Variants in ANKRD30BL observed in about 807,000 individuals in gnomAD.
ANKRD30BL encodes the protein ankyrin repeat domain 30B like.
In ANKRD30BL, 20 loss-of-function variants were observed where a neutral mutation model predicts 18.4. That is an observed-to-expected ratio of 1.09 (90% CI 0.77 to 1.58). ANKRD30BL has a LOEUF of 1.58. Ranked by LOEUF, ANKRD30BL falls within the 40% of genes most tolerant of loss-of-function variation. ANKRD30BL has a pLI of 0.00. For synonymous variants in ANKRD30BL, 72 were observed against 100.9 expected, an observed-to-expected ratio of 0.71 and a Z score of 1.72; for missense variants, 224 against 268.6, an observed-to-expected ratio of 0.83 and a Z score of 1.16.
upstream of ANKRD30BL, among the ~76,000 whole-genome samples, chr2:132,163,714 G>T (rs1253368635): frequency 2.0e-5 from 3 of 152,154 alleles, no homozygotes; most frequent in Admixed American, 2.0e-4. Flanking sequence ...GTCAAGGGAT[G>T]GGTCCCCAGC....
At chr2:132,224,640 A>G (rs935639907) in intron 1 of ANKRD30BL, among the ~76,000 whole-genome samples, 1 of 152,124 alleles carries the variant, frequency 6.6e-6, no homozygotes, top group African/African-American at 2.4e-5. Context: ...AAAAGGAAGT[A>G]TCTTCACTTA....
chr2:132,189,543 T>C (rs1167986250), intron 1 of ANKRD30BL, among the ~76,000 whole-genome samples: 3 of 151,622 alleles, frequency 2.0e-5, no homozygotes, highest in African/African-American at 7.3e-5. Context: ...GAGATACTGC[T>C]GTATGTAAAT....
At chr2:132,242,692 T>C (rs12623260) in intron 1 of ANKRD30BL, among the ~76,000 whole-genome samples, 26,105 of 151,210 alleles carry the variant, frequency 0.17, 4,971 homozygotes, top group African/African-American at 0.48. Context: ...TTTCTGGTTT[T>C]GTTGGAAACG....
At chr2:132,189,277 A>T (rs1222087358) in intron 1 of ANKRD30BL, among the ~76,000 whole-genome samples, 1 of 152,246 alleles carries the variant, frequency 6.6e-6, no homozygotes. Context: ...CATACTAGGT[A>T]AGTAAAACCA....
chr2:132,221,434 C>G (rs865827579), intron 1 of ANKRD30BL, among the ~76,000 whole-genome samples: 3 of 132,270 alleles, frequency 2.3e-5, no homozygotes, highest in Admixed American at 1.4e-4. Context: ...ATCAGCCCCC[C>G]GCCTGGCCAG....
At chr2:132,234,686 C>T (rs1680106679) in intron 1 of ANKRD30BL, among the ~76,000 whole-genome samples, 1 of 152,020 alleles carries the variant, frequency 6.6e-6, no homozygotes, top group South Asian at 2.1e-4. Flanking sequence ...GAAATTGTGG[C>T]AATAATCAAT....
intron 1 of ANKRD30BL, among the ~76,000 whole-genome samples, chr2:132,242,900 A>ATG (rs1680377712): frequency 6.6e-6 from 1 of 151,874 alleles, no homozygotes; most frequent in African/African-American, 2.4e-5. Context: ...AAAAGTAGAC[A>ATG]GAAGCATTCT....
intron 1 of ANKRD30BL, among the ~76,000 whole-genome samples, chr2:132,189,309 T>G (rs1200748058): frequency 6.6e-6 from 1 of 152,236 alleles, no homozygotes; most frequent in African/African-American, 2.4e-5. Flanking sequence ...TTGTATTTAG[T>G]AATATTCATT....
intron 1 of ANKRD30BL, among the ~76,000 whole-genome samples, chr2:132,203,229 T>C (rs1314011588): frequency 6.6e-6 from 1 of 152,300 alleles, no homozygotes; most frequent in East Asian, 1.9e-4. Flanking sequence ...TCAAGGAGCT[T>C]GGCTCAATCC....
At chr2:132,161,313 G>T (rs796721480) in intron 1 of ANKRD30BL, among the ~76,000 whole-genome samples, 175 bp downstream of exon 1, 7 of 152,078 alleles carry the variant, frequency 4.6e-5, no homozygotes, top group African/African-American at 7.2e-5. Context: ...CAAGGCCTGG[G>T]GGACCTGCCC....
chr2:132,221,642 T>A (rs1160261320), intron 1 of ANKRD30BL, among the ~76,000 whole-genome samples: 2 of 82,098 alleles, frequency 2.4e-5, no homozygotes, highest in African/African-American at 1.4e-4. Flanking sequence ...GGGAGGGAGG[T>A]GGGGGGTTCA....
chr2:132,168,714 C>T (rs1051192478), intron 1 of ANKRD30BL, among the ~76,000 whole-genome samples: 8 of 152,022 alleles, frequency 5.3e-5, no homozygotes, highest in African/African-American at 4.8e-5. Flanking sequence ...GTAGGTCTTA[C>T]GTATTTCCAT....
At chr2:132,192,878 TAC>T (rs1558926392) in intron 1 of ANKRD30BL, among the ~76,000 whole-genome samples, 6 of 152,232 alleles carry the variant, frequency 3.9e-5, no homozygotes, top group Non-Finnish European at 7.3e-5. Context: ...CCATCTACTT[TAC>T]ATAGAAGAAA....
intron 1 of ANKRD30BL, among the ~76,000 whole-genome samples, chr2:132,214,862 G>T (rs1409530890): frequency 6.6e-6 from 1 of 151,626 alleles, no homozygotes; most frequent in Admixed American, 6.6e-5. Flanking sequence ...CTAGACAGAA[G>T]CTTTCTGAGC....
chr2:132,221,627 A>C (rs1186273641), intron 1 of ANKRD30BL, among the ~76,000 whole-genome samples: 161 of 77,112 alleles, frequency 2.1e-3, no homozygotes, highest in East Asian at 3.6e-3. Flanking sequence ...CCAGCCGCCC[A>C]GTCCGGGAGG....
upstream of ANKRD30BL, among the ~76,000 whole-genome samples, chr2:132,162,438 C>A (rs866437317): frequency 7.4e-4 from 112 of 152,288 alleles, no homozygotes; most frequent in African/African-American, 2.7e-3. Context: ...CCCTTCCACC[C>A]GGGGCTCTGC....
intron 1 of ANKRD30BL, among the ~76,000 whole-genome samples, chr2:132,251,409 C>T (rs1254336756): frequency 6.6e-6 from 1 of 152,106 alleles, no homozygotes; most frequent in African/African-American, 2.4e-5. Flanking sequence ...AGTCAAGATG[C>T]AGAACTGTAG....
chr2:132,214,911 A>G, intron 1 of ANKRD30BL, among the ~76,000 whole-genome samples: 1 of 152,122 alleles, frequency 6.6e-6, no homozygotes, highest in African/African-American at 2.4e-5. Flanking sequence ...CACAGAGTTG[A>G]ACATTTCTTT....
intron 1 of ANKRD30BL, among the ~76,000 whole-genome samples, chr2:132,238,565 T>TGTA (rs1380684042): frequency 6.6e-6 from 1 of 152,006 alleles, no homozygotes; most frequent in Non-Finnish European, 1.5e-5. Flanking sequence ...TTGTAGAATC[T>TGTA]GTAAGTGGAA....
Sources: allele counts gnomAD v4.1 joint callset (sites outside exome capture counted in the v4.1 genomes callset), GRCh38; gene constraint gnomAD v4.1.1; transcripts MANE v1.5; gene names NCBI Gene and HGNC (gene_info 2026-07-23, HGNC 2026-07-21).